LATS1: variants seen among roughly 807,000 people sequenced by gnomAD.
The protein encoded by LATS1 is serine/threonine-protein kinase LATS1.
In LATS1, 25 loss-of-function variants were observed where a neutral mutation model predicts 106.6. The observed-to-expected ratio is 0.23, with a 90% confidence interval of 0.17 to 0.33. LATS1 has a LOEUF of 0.33. LATS1 is among the 10% of genes least tolerant of loss of function. LATS1 has a pLI of 1.00. For synonymous variants in LATS1, 465 were observed against 455.6 expected, an observed-to-expected ratio of 1.02 and a Z score of -0.26; for missense variants, 1,040 against 1,382.6, an observed-to-expected ratio of 0.75 and a Z score of 3.93.
chr6:149,698,627 T>C (rs1168181751), intron 2 of LATS1, among the ~76,000 whole-genome samples: 1 of 149,120 alleles, frequency 6.7e-6, no homozygotes, highest in African/African-American at 2.5e-5. Context: ...CTCGGCCCAC[T>C]GCAACCTCCG....
At chr6:149,690,830 T>C (rs1012852181) in intron 3 of LATS1, among the ~76,000 whole-genome samples, 1 of 152,340 alleles carries the variant, frequency 6.6e-6, no homozygotes, top group Admixed American at 6.5e-5. Context: ...TGAGCTACCA[T>C]GTGTGGCACT....
intron 1 of LATS1, among the ~76,000 whole-genome samples, chr6:149,709,749 C>T (rs1783989114): frequency 7.0e-6 from 1 of 142,034 alleles, no homozygotes; most frequent in African/African-American, 2.6e-5. Flanking sequence ...GATCTTGGCT[C>T]ACCACAATCT....
rs1780789770 is a variant in LATS1, at chr6:149,658,816, A to G, written c.*2913T>C. ...GCCTTATGATGTCACTGGACAATGC[A>G]TAACAGTATCTACAATTACATAATT... On this transcript the variant is annotated 3_prime_UTR_variant, in exon 8 of 8. Coordinates refer to ENST00000543571, the MANE Select transcript of LATS1 (RefSeq NM_004690.4). The G allele has an allele frequency of 6.6e-6, 1 of 152,250 alleles. No homozygotes were observed. Among genetic ancestry groups the G allele is most frequent in the African/African-American group, 2.4e-5 (1 of 41,470 alleles). The allele number at this position is 152,250 out of a possible 1,614,324, so 9.4% of individuals were successfully genotyped here. A position where few individuals can be genotyped will look rare whatever the true frequency, so the allele number is the denominator to read the frequency against.
chr6:149,662,065 C>G lies in LATS1; in HGVS notation c.3057G>C (p.Leu1019=). ...FFKTIDFSSD[L]RQQSASYIPK... ...GAATGTATGAAGCAGACTGCTGTCTCAGGTCACTGGAGAAGTCAATTGTTT... is the reference window on the plus strand; with the variant it reads ...GAATGTATGAAGCAGACTGCTGTCTGAGGTCACTGGAGAAGTCAATTGTTT... The change falls in exon 8 of 8, where the codon CTG becomes CTC. Residue 1019 remains leucine (L), a synonymous_variant. Transcript: ENST00000543571. 1 of 1,614,164 alleles carries G rather than the reference C, an allele frequency of 6.2e-7. No individual in the cohort carries two copies. Among genetic ancestry groups the G allele is most frequent in the Non-Finnish European group, 8.5e-7 (1 of 1,180,008 alleles).
intron 7 of LATS1, among the ~76,000 whole-genome samples, chr6:149,675,307 T>C (rs576426321): frequency 2.6e-5 from 4 of 151,774 alleles, no homozygotes; most frequent in African/African-American, 7.3e-5. Flanking sequence ...AAGTAGGACA[T>C]TCCAGACAGA....
At chr6:149,689,804 A>G (rs182000403) in intron 3 of LATS1, among the ~76,000 whole-genome samples, 3 of 152,280 alleles carry the variant, frequency 2.0e-5, no homozygotes, top group African/African-American at 7.2e-5. Flanking sequence ...GAGAAAAATG[A>G]CTGTTCCTCT....
chr6:149,713,587 T>C (rs1438919209), intron 1 of LATS1, among the ~76,000 whole-genome samples: 1 of 152,162 alleles, frequency 6.6e-6, no homozygotes, highest in Non-Finnish European at 1.5e-5. Context: ...TGAGCCACCA[T>C]ACCCGGACAA....
intron 2 of LATS1, 38 bp downstream of exon 2, chr6:149,701,741 T>G (rs1040022429): frequency 2.7e-6 from 4 of 1,481,698 alleles, no homozygotes; most frequent in Admixed American, 3.8e-5. Context: ...TAGCATAAGG[T>G]AAGAAGAATC....
chr6:149,712,714 C>T (rs1009022562), intron 1 of LATS1, among the ~76,000 whole-genome samples: 1 of 152,128 alleles, frequency 6.6e-6, no homozygotes, highest in Non-Finnish European at 1.5e-5. Flanking sequence ...AAAGTTAGGG[C>T]CGGGTGCAGT....
At chr6:149,670,625 T>C (rs35443312) in intron 7 of LATS1, among the ~76,000 whole-genome samples, 81,954 of 151,808 alleles carry the variant, frequency 0.54, 25,677 homozygotes, top group East Asian at 0.83. Context: ...TGAGGTTGTC[T>C]ATCTTGGTTG....
rs561244340 is a variant in LATS1, at chr6:149,707,880, A to C, written c.-140-5614T>G. On this transcript the variant is annotated intron_variant, in intron 1 of 7. Transcript: ENST00000543571. ...TCACTGTACTAGTCTCTTTCTTCTT[A>C]TTATTTATTTTTTAGAGACAGGGGC... Among the ~76,000 whole-genome samples the C allele has an allele frequency of 3.1e-4, 47 of 152,126 alleles. No individual in the cohort carries two copies. The South Asian group carries it at 4.1e-3, about 13-fold the overall frequency.
rs1235607223 is a variant in LATS1, at chr6:149,680,100, T to C, written c.2368A>G (p.Met790Val). ...FVMDYIPGGD[M>V]MSLLIRMGIF... ...CCCATTCTAATTAATAGGCTCATCA[T>C]ATCACCCCCAGGAATGTAGTCCATT... Residue 790 changes from methionine (M) to valine (V), a missense_variant, in exon 5 of 8, where the codon ATG becomes GTG. By Grantham distance (21) the Met-to-Val change is conservative (BLOSUM62 1). Around this residue, in one of 7 missense-constraint regions of LATS1, gnomAD observed 167 missense variants for 332.1 expected, o/e 0.50. Coordinates refer to ENST00000543571, the MANE Select transcript of LATS1 (RefSeq NM_004690.4). 2 of 1,613,480 alleles carry C rather than the reference T, an allele frequency of 1.2e-6. No individual in the cohort carries two copies. Among genetic ancestry groups the C allele is most frequent in the African/African-American group, 1.3e-5 (1 of 74,904 alleles).
intron 2 of LATS1, chr6:149,697,041 A>G: frequency 2.8e-6 from 2 of 717,258 alleles, no homozygotes; most frequent in South Asian, 2.8e-5. Context: ...ACTCACTATC[A>G]TGCAGAAAGT....
At chr6:149,671,292 C>T (rs949835582) in intron 7 of LATS1, among the ~76,000 whole-genome samples, 5 of 151,894 alleles carry the variant, frequency 3.3e-5, no homozygotes, top group African/African-American at 9.7e-5. Flanking sequence ...CACCACCACA[C>T]TTGGCTAATT....
chr6:149,679,815 C>T, intron 5 of LATS1, 60 bp downstream of exon 5: 1 of 1,211,054 alleles, frequency 8.3e-7, no homozygotes, highest in Non-Finnish European at 1.2e-6. Flanking sequence ...TTATATTTTA[C>T]TACATCAATA....
chr6:149,712,007 A>G (rs1443336123), intron 1 of LATS1, among the ~76,000 whole-genome samples: 1 of 152,192 alleles, frequency 6.6e-6, no homozygotes, highest in Non-Finnish European at 1.5e-5. Context: ...CGCAGCACAC[A>G]GGACACATTA....
At chr6:149,667,838 G>A (rs1399797232) in intron 7 of LATS1, among the ~76,000 whole-genome samples, 1 of 152,216 alleles carries the variant, frequency 6.6e-6, no homozygotes, top group African/African-American at 2.4e-5. Context: ...AATTGCAGAT[G>A]TCTCATCAAA....
intron 1 of LATS1, among the ~76,000 whole-genome samples, chr6:149,715,514 G>A (rs1784334153): frequency 6.6e-6 from 1 of 152,058 alleles, no homozygotes; most frequent in African/African-American, 2.4e-5. Flanking sequence ...GTTCATGGAT[G>A]TTCATTTTAT....
intron 3 of LATS1, among the ~76,000 whole-genome samples, chr6:149,686,300 C>T (rs1244324938): frequency 6.6e-6 from 1 of 152,170 alleles, no homozygotes; most frequent in African/African-American, 2.4e-5. Flanking sequence ...CATTATCATT[C>T]CGGATAAACT....
Sources: gnomAD v4.1 joint callset for allele counts (sites outside exome capture counted in the v4.1 genomes callset) on GRCh38, gnomAD v4.1.1 for gene constraint, gnomAD v4.1.1 regional missense constraint, MANE v1.5 for transcripts, NCBI Gene and HGNC (gene_info 2026-07-23, HGNC 2026-07-21) for gene names.